TEX22: variants seen among roughly 807,000 people sequenced by gnomAD.
TEX22 encodes the protein testis-expressed protein 22.
A neutral mutation model predicts 11.3 loss-of-function variants in TEX22; 16 were observed. That is an observed-to-expected ratio of 1.42 (90% CI 0.96 to 2.15). TEX22 has a LOEUF of 2.15. TEX22 is among the 30% of genes most tolerant of loss of function. TEX22 has a pLI of 0.00. For synonymous variants in TEX22, 97 were observed against 92.3 expected, an observed-to-expected ratio of 1.05 and a Z score of -0.29; for missense variants, 220 against 208.6, an observed-to-expected ratio of 1.05 and a Z score of -0.34.
Position 105,411,857 on chromosome 14 carries a change from GTCTT to G in TEX22, c.*25_*28del, listed in dbSNP as rs1210233099. The stretch of plus-strand genomic sequence containing the variant: ...AAGAGCCCCATTCAGCCCATTGTCT[GTCTT>G]CCAGTGCCTTTCCTTGGGGGCCCAC... On this transcript the variant is annotated 3_prime_UTR_variant, in exon 4 of 4. Transcript: ENST00000451127. 2.8e-5 allele frequency: 39 copies of G among 1,383,022 alleles called. No homozygotes were observed. Among genetic ancestry groups the G allele is most frequent in the Non-Finnish European group, 3.5e-5 (37 of 1,064,676 alleles). 85.7% of individuals were successfully genotyped at this position (1,383,022 alleles called of 1,614,324 possible). A position where few individuals can be genotyped will look rare whatever the true frequency, so the allele number is the denominator to read the frequency against.
intron 2 of TEX22, among the ~76,000 whole-genome samples, chr14:105,404,316 G>A (rs782413416): frequency 2.6e-5 from 4 of 152,162 alleles, no homozygotes; most frequent in Non-Finnish European, 5.9e-5. Flanking sequence ...TGAGTGAGTG[G>A]AGAGAGTGAG....
At position 105,398,569 on chromosome 14, in the gene TEX22, G is replaced by GCCCCTTGGGC. The variant is rs1227321620; in HGVS notation, c.-100_-91dup. 4 of 152,264 alleles carry GCCCCTTGGGC rather than the reference G, an allele frequency of 2.6e-5. No individual in the cohort carries two copies. Among genetic ancestry groups the GCCCCTTGGGC allele is most frequent in the African/African-American group, 9.6e-5 (4 of 41,454 alleles). The allele number at this position is 152,264 out of a possible 1,614,324, so 9.4% of individuals were successfully genotyped here. On this transcript the variant is annotated 5_prime_UTR_variant, in exon 1 of 4. Transcript: ENST00000451127. The stretch of plus-strand genomic sequence containing the variant: ...GCGGACGTTCTGGAGCGAGGCGCCG[G>GCCCCTTGGGC]CCCCTTGGGCCCCCTCAAGCCGCGG...
At chr14:105,405,388 CAGAT>C (rs1419379671) in intron 2 of TEX22, among the ~76,000 whole-genome samples, 10 of 152,272 alleles carry the variant, frequency 6.6e-5, no homozygotes, top group Admixed American at 5.9e-4. Flanking sequence ...GATACGATGG[CAGAT>C]AGAATCGCCG....
At chr14:105,411,292 T>C in intron 2 of TEX22, 76 bp from the exon 3 acceptor site, 1 of 1,226,990 alleles carries the variant, frequency 8.2e-7, no homozygotes, top group Non-Finnish European at 1.0e-6. Flanking sequence ...GCTCTGAGGG[T>C]CGGCGGGTGC....
chr14:105,405,365 A>C (rs2081653338), intron 2 of TEX22, among the ~76,000 whole-genome samples: 2 of 152,234 alleles, frequency 1.3e-5, no homozygotes, highest in South Asian at 4.1e-4. Context: ...ATTACAGCAG[A>C]AGAACAGAAG....
At chr14:105,402,676 A>G (rs1320047295) in intron 2 of TEX22, among the ~76,000 whole-genome samples, 2 of 151,848 alleles carry the variant, frequency 1.3e-5, no homozygotes, top group African/African-American at 2.4e-5. Context: ...GAATGGCGTG[A>G]ACCCGGGAGG....
intron 2 of TEX22, among the ~76,000 whole-genome samples, chr14:105,401,484 A>G (rs941242754): frequency 2.0e-5 from 3 of 151,430 alleles, no homozygotes; most frequent in African/African-American, 7.3e-5. Context: ...TCGCAAGGAC[A>G]AAAAACCAGA....
intron 2 of TEX22, among the ~76,000 whole-genome samples, chr14:105,401,647 G>C (rs917778891): frequency 6.6e-6 from 1 of 151,854 alleles, no homozygotes. Flanking sequence ...ACGAGTTAAT[G>C]GGTGCAGCAC....
chr14:105,413,742 G>A lies in TEX22; in HGVS notation c.*1909G>A, dbSNP rs986138557. 6.6e-6 allele frequency: 1 copy of A among 152,306 alleles called. No homozygotes were observed. Among genetic ancestry groups the A allele is most frequent in the Admixed American group, 6.5e-5 (1 of 15,292 alleles). 9.4% of individuals were successfully genotyped at this position (152,306 alleles called of 1,614,324 possible). On this transcript the variant is annotated 3_prime_UTR_variant, in exon 4 of 4. Coordinates refer to ENST00000451127, the MANE Select transcript of TEX22 (RefSeq NM_001195082.2). This position sits in a 1 kb window ranked among gnomAD's most constrained non-coding sequence, Gnocchi z 4.2. Reference sequence around the variant, plus strand: ...AGGGTATTGGCACTGAGAGGCACAGGCCTCTCCAACAGAGGTGGTGCCGGG... The same window carrying A: ...AGGGTATTGGCACTGAGAGGCACAGACCTCTCCAACAGAGGTGGTGCCGGG...
Position 105,413,055 on chromosome 14 carries a change from T to A in TEX22, c.*1222T>A. On this transcript the variant is annotated 3_prime_UTR_variant, in exon 4 of 4. Transcript: ENST00000451127. The surrounding 1 kb of genome is among the most constrained non-coding windows in gnomAD (Gnocchi z 4.2). The stretch of plus-strand genomic sequence containing the variant: ...AGACTCAGTGAAGTTCCCTCCTCCT[T>A]CAGGAAGCCTTCCAAGATTACACAG... The A allele has an allele frequency of 6.6e-6, 1 of 152,458 alleles. No individual in the cohort carries two copies. 9.4% of individuals were successfully genotyped at this position (152,458 alleles called of 1,614,324 possible).
chr14:105,403,508 G>C (rs2081643278), intron 2 of TEX22, among the ~76,000 whole-genome samples: 1 of 152,120 alleles, frequency 6.6e-6, no homozygotes, highest in Non-Finnish European at 1.5e-5. Context: ...CTACAGCCTG[G>C]ACCTCCTGGA....
chr14:105,411,525 C>CGGGGG, intron 3 of TEX22, 29 bp downstream of exon 3: 8 of 1,056,320 alleles, frequency 7.6e-6, no homozygotes, highest in Non-Finnish European at 8.1e-6. Flanking sequence ...CTCCCCGCCC[C>CGGGGG]GTCCCCGCCC....
At position 105,411,678 on chromosome 14, in the gene TEX22, G is replaced by C; in HGVS notation, c.298G>C (p.Ala100Pro). ...CCCGCAGGACGTCGTGCAGATGGTAGCCCAGCTGGTGTCGGAGGACGTGGA... is the reference window on the plus strand; with the variant it reads ...CCCGCAGGACGTCGTGCAGATGGTACCCCAGCTGGTGTCGGAGGACGTGGA... ...LHCRDVVQMVAQLVSEDVDKD... is the reference protein window; with the variant it reads ...LHCRDVVQMVPQLVSEDVDKD... Residue 100 changes from alanine (A) to proline (P), a missense_variant, in exon 4 of 4, where the codon GCC (alanine) becomes CCC (proline). Ala to Pro is a conservative substitution (Grantham distance 27). Transcript: ENST00000451127. 6.5e-7 allele frequency: 1 copy of C among 1,531,250 alleles called. No individual in the cohort carries two copies. The highest frequency in any genetic ancestry group is 8.7e-7 in the Non-Finnish European group (1 of 1,144,506). 94.9% of individuals were successfully genotyped at this position (1,531,250 alleles called of 1,614,324 possible).
chr14:105,403,564 A>C (rs1555418632), intron 2 of TEX22, among the ~76,000 whole-genome samples: 1 of 152,234 alleles, frequency 6.6e-6, no homozygotes, highest in Non-Finnish European at 1.5e-5. Context: ...CTGGGACCAC[A>C]GTGGCATGCC....
Position 105,411,444 on chromosome 14 carries a change from C to A in TEX22, c.227C>A (p.Thr76Lys). ...ATCGACGAGCGCCGGCGGCTGGCCA[C>A]GCTGGGCGGCCGGGAGAGGCCGGGC... ...VSIDERRRLA[T>K]LGGRERPGAA... Residue 76 changes from threonine (T) to lysine (K), a missense_variant, in exon 3 of 4, where the codon ACG becomes AAG. Coordinates refer to ENST00000451127, the MANE Select transcript of TEX22 (RefSeq NM_001195082.2). The A allele has an allele frequency of 8.1e-7, 1 of 1,239,948 alleles. No individual in the cohort carries two copies. The highest frequency in any genetic ancestry group is 1.0e-6 in the Non-Finnish European group (1 of 996,026). 76.8% of individuals were successfully genotyped at this position (1,239,948 alleles called of 1,614,324 possible). A position where few individuals can be genotyped will look rare whatever the true frequency, so the allele number is the denominator to read the frequency against.
intron 2 of TEX22, among the ~76,000 whole-genome samples, chr14:105,401,886 CTA>C (rs2081628855): frequency 6.6e-6 from 1 of 152,154 alleles, no homozygotes; most frequent in African/African-American, 2.4e-5. Context: ...CATGGTACCA[CTA>C]TGACGTCAGA....
intron 3 of TEX22, 35 bp downstream of exon 3, chr14:105,411,531 C>CTG: frequency 4.4e-6 from 3 of 675,772 alleles, no homozygotes; most frequent in Non-Finnish European, 5.5e-6. Context: ...GCCCCGTCCC[C>CTG]GCCCCGCCCC....
At chr14:105,406,082 TA>T (rs755158395) in intron 2 of TEX22, among the ~76,000 whole-genome samples, 11 of 152,192 alleles carry the variant, frequency 7.2e-5, no homozygotes, top group Non-Finnish European at 1.3e-4. Context: ...GCTGTATAGT[TA>T]GAAGACGGTA....
At position 105,413,749 on chromosome 14, in the gene TEX22, C is replaced by T. The variant is rs912018445; in HGVS notation, c.*1916C>T. ...TGGCACTGAGAGGCACAGGCCTCTC[C>T]AACAGAGGTGGTGCCGGGACAGGGG... is the stretch of plus-strand genomic sequence containing the variant. On this transcript the variant is annotated 3_prime_UTR_variant, in exon 4 of 4. Transcript: ENST00000451127. The surrounding 1 kb of genome is among the most constrained non-coding windows in gnomAD (Gnocchi z 4.2). 11 of 152,280 alleles carry T rather than the reference C, an allele frequency of 7.2e-5. No individual in the cohort carries two copies. Among genetic ancestry groups the T allele is most frequent in the Admixed American group, 1.3e-4 (2 of 15,286 alleles). 9.4% of individuals were successfully genotyped at this position (152,280 alleles called of 1,614,324 possible).
Sources: gnomAD v4.1 joint callset for allele counts (sites outside exome capture counted in the v4.1 genomes callset) on GRCh38, gnomAD v4.1.1 for gene constraint, Gnocchi (gnomAD v3.1) non-coding constraint, MANE v1.5 for transcripts, NCBI Gene and HGNC (gene_info 2026-07-23, HGNC 2026-07-21) for gene names.